Variants in DPP6 observed in about 807,000 individuals in gnomAD.
DPP6 encodes dipeptidyl peptidase like 6.
A neutral mutation model predicts 122.6 loss-of-function variants in DPP6; 69 were observed. That is an observed-to-expected ratio of 0.56 (90% CI 0.46 to 0.69). The LOEUF (loss-of-function observed/expected upper bound fraction) is 0.69. Among genes scored for constraint, DPP6 ranks in the 30% least tolerant of loss-of-function variants. The pLI, the probability that DPP6 is intolerant of heterozygous loss-of-function variation, is 0.00. For synonymous variants in DPP6, 418 were observed against 433.1 expected (o/e 0.97, Z 0.43); for missense variants, 928 against 1,116.9 (o/e 0.83, Z 2.41).
At chr7:154,165,060 G>C (rs1310167812) in intron 1 of DPP6, among the ~76,000 whole-genome samples, 2 of 151,104 alleles carry the variant, frequency 1.3e-5, no homozygotes, top group Non-Finnish European at 2.9e-5. Context: ...CATTGTGCAG[G>C]TTAGTTACAT....
chr7:153,829,575 C>G, the DPP6 span, among the ~76,000 whole-genome samples: 2 of 152,164 alleles, frequency 1.3e-5, no homozygotes, highest in Non-Finnish European at 2.9e-5. Flanking sequence ...TTTCTGTCCT[C>G]ATTCATTCTA....
rs569463283 is a variant in DPP6 at position 154,371,912 on chromosome 7, G to A, written c.244-74302G>A. 4.6e-5 allele frequency among the ~76,000 whole-genome samples: 7 copies of A among 152,272 alleles called. No homozygotes were observed. The South Asian group carries it at 1.0e-3, about 23-fold the overall frequency. ...CAGGGAAAATGCGTAGACATACCGG[G>A]AAGCCAGAGGGGCCGTCGTCCTGGT... On this transcript the variant is annotated intron_variant, in intron 1 of 25. Coordinates refer to ENST00000377770, the MANE Select transcript of DPP6 (RefSeq NM_130797.4).
At chr7:154,678,219 C>G (rs533480985) in intron 7 of DPP6, among the ~76,000 whole-genome samples, 1 of 152,220 alleles carries the variant, frequency 6.6e-6, no homozygotes, top group Non-Finnish European at 1.5e-5. Context: ...GAAATAAAAG[C>G]TGGCCACCGC....
At chr7:153,844,095 G>T in the DPP6 span, among the ~76,000 whole-genome samples, 1 of 152,152 alleles carries the variant, frequency 6.6e-6, no homozygotes, top group African/African-American at 2.4e-5. Context: ...CTCCCTGACT[G>T]CACGTCTGTT....
chr7:154,525,789 A>C (rs978376251), intron 3 of DPP6, among the ~76,000 whole-genome samples: 1 of 148,552 alleles, frequency 6.7e-6, no homozygotes, highest in African/African-American at 2.5e-5. Context: ...TGTACCTATC[A>C]TTTCTCTTTT....
At chr7:153,936,199 G>C (rs534061855) in intron 1 of DPP6, among the ~76,000 whole-genome samples, 10 of 152,266 alleles carry the variant, frequency 6.6e-5, no homozygotes, top group African/African-American at 2.4e-4. Context: ...TTATAAACTG[G>C]TGGGTGGAGA....
At chr7:153,949,512 A>AG (rs1163753549) in intron 1 of DPP6, among the ~76,000 whole-genome samples, 1 of 152,144 alleles carries the variant, frequency 6.6e-6, no homozygotes. Context: ...CATGCGTCTT[A>AG]GGGAAGGTGT....
In DPP6 at chr7:154,656,743, G is replaced by C. The variant is rs558204273; in HGVS notation, c.681-12617G>C. Among the ~76,000 whole-genome samples the C allele has an allele frequency of 5.6e-5, 8 of 141,942 alleles. No homozygotes were observed. The East Asian group carries it at 1.5e-3, about 26-fold the overall frequency. 93.1% of individuals were successfully genotyped at this position (141,942 alleles called of 152,430 possible). On this transcript the variant is annotated intron_variant, in intron 6 of 25. Transcript: ENST00000377770. ...ATGGGTGGGTGGAGAGGCTGCGTGG[G>C]AGGAGGTGCCCAGAGATGGGTGAGA...
At chr7:154,360,348 A>AGT (rs1474110269) in intron 1 of DPP6, among the ~76,000 whole-genome samples, 2 of 152,116 alleles carry the variant, frequency 1.3e-5, no homozygotes, top group African/African-American at 4.8e-5. Flanking sequence ...TAACCTCTTG[A>AGT]GTGACTTCCT....
At chr7:153,890,296 A>G (rs575157558) in intron 1 of DPP6, among the ~76,000 whole-genome samples, 1 of 152,334 alleles carries the variant, frequency 6.6e-6, no homozygotes, top group South Asian at 2.1e-4. Context: ...TAAAAAAGAG[A>G]AAGACACTTT....
chr7:154,628,921 C>T (rs1563033248), intron 5 of DPP6, among the ~76,000 whole-genome samples: 1 of 152,322 alleles, frequency 6.6e-6, no homozygotes, highest in East Asian at 1.9e-4. Context: ...GTTTCCTGGT[C>T]TCACCTCTCC....
At chr7:153,964,449 C>T (rs10275213) in intron 1 of DPP6, among the ~76,000 whole-genome samples, 7,964 of 151,750 alleles carry the variant, frequency 0.052, 698 homozygotes, top group African/African-American at 0.18. Context: ...CTCCTAGCAG[C>T]ACTGGCCATC....
chr7:154,801,921 C>A (rs898713174), intron 13 of DPP6, among the ~76,000 whole-genome samples: 9 of 152,092 alleles, frequency 5.9e-5, no homozygotes, highest in African/African-American at 2.2e-4. Context: ...GTGACCGCTA[C>A]CAGCCATCAC....
At chr7:153,991,318 G>A (rs981200607) in intron 1 of DPP6, among the ~76,000 whole-genome samples, 8 of 152,008 alleles carry the variant, frequency 5.3e-5, no homozygotes, top group Admixed American at 4.6e-4. Flanking sequence ...GTAATTTTTA[G>A]TATATAAAAA....
chr7:154,447,208 A>T (rs1563686210), intron 2 of DPP6, among the ~76,000 whole-genome samples: 1 of 152,170 alleles, frequency 6.6e-6, no homozygotes, highest in Non-Finnish European at 1.5e-5. Flanking sequence ...CAGGAGGCTG[A>T]GACAGGAGAA....
At chr7:154,081,668 C>T (rs956827996) in intron 1 of DPP6, among the ~76,000 whole-genome samples, 2 of 149,094 alleles carry the variant, frequency 1.3e-5, no homozygotes, top group East Asian at 2.0e-4. Flanking sequence ...ACGTCAAGAG[C>T]GTGGTAATAG....
chr7:154,398,126 G>A lies in DPP6; in HGVS notation c.244-48088G>A, dbSNP rs538962482. 7.9e-5 allele frequency among the ~76,000 whole-genome samples: 12 copies of A among 152,276 alleles called. No individual in the cohort carries two copies. In the East Asian group the frequency reaches 2.3e-3, roughly 29 times the overall value. On this transcript the variant is annotated intron_variant, in intron 1 of 25. Coordinates refer to ENST00000377770, the MANE Select transcript of DPP6 (RefSeq NM_130797.4). The stretch of plus-strand genomic sequence containing the variant: ...AATGCGTCAGGGTGTGAGGTTGAGG[G>A]TGTTAATGACACTATATTGAGACAG...
At chr7:154,148,184 C>T (rs1796212957) in intron 1 of DPP6, among the ~76,000 whole-genome samples, 2 of 139,646 alleles carry the variant, frequency 1.4e-5, no homozygotes, top group South Asian at 4.6e-4. Flanking sequence ...ATCCACTGAG[C>T]AAGGCCTGGG....
At position 154,719,882 on chromosome 7, in the gene DPP6, A is replaced by G. The variant is rs114193858; in HGVS notation, c.763-7885A>G. On this transcript the variant is annotated intron_variant, in intron 7 of 25. Transcript: ENST00000377770. ...TTGAGTGGACATTGCTTCAGCATCA[A>G]CGTGAAGGCCTCTGTCTGTGGGTTT... 6.8e-3 allele frequency among the ~76,000 whole-genome samples: 1,033 copies of G among 152,256 alleles called. 14 individuals are homozygous for G. The highest frequency in any genetic ancestry group is 0.023 in the African/African-American group (972 of 41,550).
Sources: allele counts gnomAD v4.1 joint callset (sites outside exome capture counted in the v4.1 genomes callset), GRCh38; gene constraint gnomAD v4.1.1; transcripts MANE v1.5; gene names NCBI Gene and HGNC (gene_info 2026-07-23, HGNC 2026-07-21).